TYW1B: variants seen among roughly 807,000 people sequenced by gnomAD.
The protein encoded by TYW1B is tRNA-yW synthesizing protein 1 homolog B, also known as S-adenosyl-L-methionine-dependent tRNA 4-demethylwyosine synthase TYW1B.
TYW1B carries 73 observed loss-of-function variants against 86.9 expected under a neutral mutation model. That is an observed-to-expected ratio of 0.84 (90% CI 0.70 to 1.02). The LOEUF (loss-of-function observed/expected upper bound fraction) is 1.02. Ranked by LOEUF, TYW1B falls within the 50% of genes least tolerant of loss-of-function variation. TYW1B has a pLI of 0.00. For synonymous variants in TYW1B, 248 were observed against 292.8 expected (o/e 0.85, Z 1.56); for missense variants, 637 against 827.4 (o/e 0.77, Z 2.82).
intron 7 of TYW1B, among the ~76,000 whole-genome samples, chr7:72,759,576 A>G (rs1478145710): frequency 6.6e-6 from 1 of 152,214 alleles, no homozygotes; most frequent in Admixed American, 6.5e-5. Flanking sequence ...ACTAAGGATC[A>G]TTATTCAAAA....
intron 2 of TYW1B, among the ~76,000 whole-genome samples, chr7:72,815,980 G>A (rs1554479342): frequency 6.6e-6 from 1 of 152,148 alleles, no homozygotes; most frequent in Non-Finnish European, 1.5e-5. Flanking sequence ...AGTGAGCTAT[G>A]ATCACACCAA....
intron 11 of TYW1B, among the ~76,000 whole-genome samples, chr7:72,668,767 G>C (rs1312523116): frequency 6.6e-6 from 1 of 152,144 alleles, no homozygotes; most frequent in African/African-American, 2.4e-5. Flanking sequence ...GACATTTTAA[G>C]TTTATGCCAG....
At chr7:72,771,848 GA>G (rs1388337034) in intron 7 of TYW1B, among the ~76,000 whole-genome samples, 2 of 150,376 alleles carry the variant, frequency 1.3e-5, no homozygotes, top group South Asian at 2.1e-4. Flanking sequence ...ATAAAGAAAT[GA>G]TTTTTTTTTT....
intron 11 of TYW1B, among the ~76,000 whole-genome samples, chr7:72,664,613 G>C (rs1389739021): frequency 1.3e-5 from 2 of 152,142 alleles, no homozygotes; most frequent in East Asian, 3.8e-4. Context: ...AGTGGAGAAT[G>C]GGAGGAAGGA....
chr7:72,616,746 C>T lies in TYW1B; in HGVS notation c.1711G>A (p.Val571Met), dbSNP rs1554436954. The T allele has an allele frequency of 2.5e-6, 4 of 1,614,122 alleles. No homozygotes were observed. The highest frequency in any genetic ancestry group is 2.5e-6 in the Non-Finnish European group (3 of 1,180,048). The change falls in exon 13 of 14, where the codon GTG becomes ATG. Residue 571 changes from valine to methionine, a missense_variant. Coordinates refer to ENST00000620995, the MANE Select transcript of TYW1B (RefSeq NM_001145440.3). ...ATTTCATATTCGGGGATCAGATCCA[C>T]CAGCTCGCGGACAAACTGTACCACT... is the stretch of plus-strand genomic sequence containing the variant. The part of the protein sequence containing the change: ...EEVVQFVREL[V>M]DLIPEYEIAC...
intron 13 of TYW1B, among the ~76,000 whole-genome samples, chr7:72,609,327 G>A (rs1444580706): frequency 6.6e-6 from 1 of 152,112 alleles, no homozygotes; most frequent in Admixed American, 6.6e-5. Context: ...GGGAGGCCGA[G>A]GTGGGAGGGC....
chr7:72,814,722 T>C (rs1189423499), intron 3 of TYW1B, among the ~76,000 whole-genome samples: 5 of 152,050 alleles, frequency 3.3e-5, no homozygotes, highest in African/African-American at 9.6e-5. Context: ...CTCCAGAGCC[T>C]GGGTGAGAGA....
At chr7:72,784,126 CA>C (rs1788090453) in intron 6 of TYW1B, among the ~76,000 whole-genome samples, 1 of 135,790 alleles carries the variant, frequency 7.4e-6, no homozygotes, top group African/African-American at 2.8e-5. Context: ...GAGTATTTAG[CA>C]ACATTTATTT....
chr7:72,708,724 T>A (rs1462229756), intron 10 of TYW1B, among the ~76,000 whole-genome samples: 2 of 152,186 alleles, frequency 1.3e-5, no homozygotes, highest in African/African-American at 4.8e-5. Flanking sequence ...TAGAAAACTT[T>A]TTCTTTCTGT....
In TYW1B at chr7:72,646,526, C is replaced by A. The variant is rs1303139535; in HGVS notation, c.1507-17529G>T. Among the ~76,000 whole-genome samples, 6 of 151,878 alleles carry A rather than the reference C, an allele frequency of 4.0e-5. No homozygotes were observed. In the South Asian group the frequency reaches 1.0e-3, roughly 26 times the overall value. ...AGCTGGGACTACAGGTGTGTGCCAC[C>A]GCACCTGGCTAATTTTTGTAATTTT... On this transcript the variant is annotated intron_variant, in intron 11 of 13. Transcript: ENST00000620995.
intron 7 of TYW1B, among the ~76,000 whole-genome samples, chr7:72,774,540 G>A (rs1449219095): frequency 6.6e-6 from 1 of 151,944 alleles, no homozygotes. Flanking sequence ...GGCTAACACG[G>A]TAAAACCCCG....
chr7:72,591,453 C>G (rs1811394003), intron 13 of TYW1B, among the ~76,000 whole-genome samples: 1 of 152,134 alleles, frequency 6.6e-6, no homozygotes, highest in African/African-American at 2.4e-5. Context: ...AGAGCAGTGA[C>G]TTGTCACACA....
At chr7:72,610,817 T>A (rs1287901381) in intron 13 of TYW1B, among the ~76,000 whole-genome samples, 2 of 152,188 alleles carry the variant, frequency 1.3e-5, no homozygotes, top group Admixed American at 1.3e-4. Context: ...TCTTGCAGCT[T>A]TTCAATCCAT....
chr7:72,611,635 G>T (rs1467847203), intron 13 of TYW1B, among the ~76,000 whole-genome samples: 2 of 152,160 alleles, frequency 1.3e-5, no homozygotes, highest in African/African-American at 4.8e-5. Flanking sequence ...TCTCGGGTAT[G>T]TCTTTATCAG....
intron 7 of TYW1B, among the ~76,000 whole-genome samples, chr7:72,762,470 C>G (rs1787700754): frequency 6.6e-6 from 1 of 152,066 alleles, no homozygotes; most frequent in African/African-American, 2.4e-5. Flanking sequence ...CTAGTTCTAA[C>G]TCTGCTGTTA....
chr7:72,676,548 G>A (rs1276003996), intron 11 of TYW1B, among the ~76,000 whole-genome samples: 2 of 152,176 alleles, frequency 1.3e-5, no homozygotes, highest in Non-Finnish European at 2.9e-5. Flanking sequence ...TACCTGGGCA[G>A]GGTGGATTTG....
chr7:72,749,524 C>A (rs1304707198), intron 7 of TYW1B, among the ~76,000 whole-genome samples: 2 of 152,288 alleles, frequency 1.3e-5, no homozygotes, highest in East Asian at 3.9e-4. Context: ...TATCTCCCAA[C>A]CTCGTGATCT....
At position 72,749,496 on chromosome 7, in the gene TYW1B, A is replaced by G. The variant is rs1482636967; in HGVS notation, c.965-4895T>C. ...TTTTAGTAGAGACGGGGTTCACTGT[A>G]TTAGCCAGGATGGTCTCTATCTCCC... On this transcript the variant is annotated intron_variant, in intron 7 of 13. Coordinates refer to ENST00000620995, the MANE Select transcript of TYW1B (RefSeq NM_001145440.3). 7.9e-5 allele frequency among the ~76,000 whole-genome samples: 12 copies of G among 152,130 alleles called. No homozygotes were observed. The East Asian group carries it at 2.3e-3, about 29-fold the overall frequency.
chr7:72,806,376 C>T (rs1430784463), intron 5 of TYW1B, among the ~76,000 whole-genome samples: 3 of 151,720 alleles, frequency 2.0e-5, no homozygotes, highest in African/African-American at 7.3e-5. Flanking sequence ...GCTGGGATTA[C>T]AGGTGCCCGC....
Sources: gnomAD v4.1 joint callset for allele counts (sites outside exome capture counted in the v4.1 genomes callset) on GRCh38, gnomAD v4.1.1 for gene constraint, MANE v1.5 for transcripts, NCBI Gene and HGNC (gene_info 2026-07-23, HGNC 2026-07-21) for gene names.